TTC34: variants seen among roughly 807,000 people sequenced by gnomAD.
The protein encoded by TTC34 is tetratricopeptide repeat protein 34.
TTC34 carries 44 observed loss-of-function variants against 40.7 expected under a neutral mutation model. That is an observed-to-expected ratio of 1.08 (90% CI 0.85 to 1.39). The LOEUF is 1.39. Among genes scored for constraint, TTC34 ranks in the 40% most tolerant of loss-of-function variants. TTC34 has a pLI of 0.00. For synonymous variants in TTC34, 422 were observed against 398.6 expected, an observed-to-expected ratio of 1.06 and a Z score of -0.70; for missense variants, 884 against 838.0, an observed-to-expected ratio of 1.05 and a Z score of -0.68.
chr1:2,655,867 A>G (rs28583680), intron 6 of TTC34, among the ~76,000 whole-genome samples: 40 of 88,530 alleles, frequency 4.5e-4, no homozygotes, highest in African/African-American at 1.4e-3. Context: ...CCAGGCGAGC[A>G]TCTGACAGCC....
At chr1:2,754,764 G>C (rs1641447754) in intron 6 of TTC34, among the ~76,000 whole-genome samples, 3 of 150,828 alleles carry the variant, frequency 2.0e-5, no homozygotes, top group African/African-American at 7.4e-5. Context: ...TGATGGTCTG[G>C]AGCAGCACCC....
At chr1:2,790,775 G>A (rs967452209) in intron 2 of TTC34, among the ~76,000 whole-genome samples, 2 of 152,230 alleles carry the variant, frequency 1.3e-5, no homozygotes, top group Admixed American at 1.3e-4. Flanking sequence ...CAGAGCTGAA[G>A]CTCCAACTCT....
intron 6 of TTC34, among the ~76,000 whole-genome samples, chr1:2,755,293 C>T (rs1292155666): frequency 1.1e-4 from 5 of 46,186 alleles, no homozygotes; most frequent in East Asian, 8.7e-4. Context: ...CCTGGAACAG[C>T]ACCCACACTC....
At chr1:2,694,933 C>A (rs542351618) in intron 6 of TTC34, among the ~76,000 whole-genome samples, 34 of 141,232 alleles carry the variant, frequency 2.4e-4, no homozygotes, top group Non-Finnish European at 3.6e-4. Context: ...CACCTGACAT[C>A]CTTGAGCAGC....
chr1:2,752,387 G>C (rs1257056304), intron 6 of TTC34, among the ~76,000 whole-genome samples: 1 of 122,280 alleles, frequency 8.2e-6, no homozygotes, highest in Non-Finnish European at 1.7e-5. Context: ...GCGAGCATCT[G>C]AGAGCATGTA....
chr1:2,691,538 C>T (rs559094747), intron 6 of TTC34, among the ~76,000 whole-genome samples: 1 of 126,682 alleles, frequency 7.9e-6, no homozygotes, highest in African/African-American at 2.7e-5. Flanking sequence ...GAACAGAACC[C>T]ACACCCCCAG....
In TTC34 at chr1:2,751,999, A is replaced by C. The variant is rs1181520008; in HGVS notation, c.2226+31610T>G. Reference sequence around the variant, plus strand: ...AGGCGAGCATTTGACAGCCTGGAGCAGTGCCCACACACCCAGCTGAGCATC... The same window carrying C: ...AGGCGAGCATTTGACAGCCTGGAGCCGTGCCCACACACCCAGCTGAGCATC... On this transcript the variant is annotated intron_variant, in intron 6 of 8. Transcript: ENST00000401095. 1.8e-4 allele frequency among the ~76,000 whole-genome samples: 21 copies of C among 117,288 alleles called. 5 individuals carry two copies. Among genetic ancestry groups the C allele is most frequent in the Admixed American group, 8.0e-4 (9 of 11,306 alleles). 76.9% of individuals were successfully genotyped at this position (117,288 alleles called of 152,430 possible).
At chr1:2,750,237 C>T (rs1641270424) in intron 6 of TTC34, among the ~76,000 whole-genome samples, 2 of 152,192 alleles carry the variant, frequency 1.3e-5, no homozygotes, top group Non-Finnish European at 2.9e-5. Flanking sequence ...TGGAGCAGCA[C>T]CCACACCCAC....
intron 6 of TTC34, among the ~76,000 whole-genome samples, chr1:2,779,558 C>T (rs1010318519): frequency 3.3e-5 from 5 of 152,064 alleles, no homozygotes; most frequent in East Asian, 1.9e-4. Context: ...CTCCTGACCT[C>T]GTGATCCACC....
Position 2,683,501 on chromosome 1 carries a change from C to G in TTC34, c.2227-37938G>C, listed in dbSNP as rs1354355205. Reference sequence around the variant, plus strand: ...CAGGCGAGCATCTGACAGCCTGGAACGGCACCCACACCACCAGGTGAGCAT... The same window carrying G: ...CAGGCGAGCATCTGACAGCCTGGAAGGGCACCCACACCACCAGGTGAGCAT... On this transcript the variant is annotated intron_variant, in intron 6 of 8. Transcript: ENST00000401095. Among the ~76,000 whole-genome samples, 183 of 49,770 alleles carry G rather than the reference C, an allele frequency of 3.7e-3. 4 individuals are homozygous for G. Among genetic ancestry groups the G allele is most frequent in the Middle Eastern group, 0.02 (2 of 100 alleles). 32.7% of individuals were successfully genotyped at this position (49,770 alleles called of 152,430 possible).
intron 6 of TTC34, among the ~76,000 whole-genome samples, chr1:2,675,262 C>A (rs1455954403): frequency 2.8e-5 from 4 of 143,472 alleles, no homozygotes; most frequent in African/African-American, 5.1e-5. Flanking sequence ...AATCTGACAG[C>A]CTGGAAGAGC....
chr1:2,680,492 A>C (rs1321492889), intron 6 of TTC34, among the ~76,000 whole-genome samples: 210 of 31,332 alleles, frequency 6.7e-3, no homozygotes, highest in East Asian at 0.012. Flanking sequence ...CCTGCAGCAG[A>C]ACCCACACCA....
At chr1:2,691,479 G>C (rs1640614455) in intron 6 of TTC34, among the ~76,000 whole-genome samples, 1 of 100,734 alleles carries the variant, frequency 9.9e-6, no homozygotes, top group African/African-American at 3.6e-5. Flanking sequence ...GTGAGCATCT[G>C]ATGGTCTGGA....
exon 2 of TTC34, chr1:2,800,711 G>T (rs1643763768): frequency 1.0e-5 from 4 of 398,494 alleles, no homozygotes; most frequent in Non-Finnish European, 1.8e-5. Flanking sequence ...GGGCTGAGGG[G>T]GCGTGGCAGC....
intron 6 of TTC34, among the ~76,000 whole-genome samples, chr1:2,651,712 C>A (rs145125552): frequency 9.9e-5 from 15 of 151,994 alleles, no homozygotes; most frequent in African/African-American, 2.4e-4. Context: ...TACAGCACCA[C>A]CCCTCTCCAA....
At chr1:2,643,372 T>C (rs1638952325) in intron 8 of TTC34, among the ~76,000 whole-genome samples, 1 of 152,158 alleles carries the variant, frequency 6.6e-6, no homozygotes, top group African/African-American at 2.4e-5. Context: ...CCAGCCGTAT[T>C]CTGCAGCCTC....
chr1:2,755,936 A>G (rs1387567802), intron 6 of TTC34, among the ~76,000 whole-genome samples: 1 of 75,134 alleles, frequency 1.3e-5, no homozygotes, highest in Admixed American at 1.2e-4. Context: ...CTGGAGCAGC[A>G]CCCTGCACCC....
chr1:2,683,749 C>T (rs1405884648), intron 6 of TTC34, among the ~76,000 whole-genome samples: 1 of 147,678 alleles, frequency 6.8e-6, no homozygotes, highest in African/African-American at 2.6e-5. Context: ...GAACAGCACC[C>T]ACACCCCCAG....
At chr1:2,695,055 A>C (rs7544898) in intron 6 of TTC34, among the ~76,000 whole-genome samples, 92,642 of 103,384 alleles carry the variant, frequency 0.9, 41,442 homozygotes, top group East Asian at 0.99. Flanking sequence ...CATCTGACAC[A>C]CTGAAACAGC....
Sources: allele counts gnomAD v4.1 joint callset (sites outside exome capture counted in the v4.1 genomes callset), GRCh38; gene constraint gnomAD v4.1.1; transcripts MANE v1.5; gene names NCBI Gene and HGNC (gene_info 2026-07-23, HGNC 2026-07-21).